APOLD1: variants seen among roughly 807,000 people sequenced by gnomAD.
APOLD1 encodes apolipoprotein L domain containing 1, also known as apolipoprotein L domain-containing protein 1.
APOLD1 carries 22 observed loss-of-function variants against 15.3 expected under a neutral mutation model. The ratio of observed to expected loss-of-function variants is 1.44; its 90% CI spans 1.03 to 2.05. The LOEUF is 2.05. APOLD1 is among the 30% of genes most tolerant of loss of function. The probability of loss-of-function intolerance (pLI) is 0.00; values close to 1 mark genes in which losing one functional copy is unlikely to be tolerated. For synonymous variants in APOLD1, 190 were observed against 167.4 expected (o/e 1.13, Z -1.04); for missense variants, 394 against 353.5 (o/e 1.11, Z -0.92).
chr12:12,727,789 A>C (rs1946604902), intron 1 of APOLD1, among the ~76,000 whole-genome samples: 1 of 146,280 alleles, frequency 6.8e-6, no homozygotes, highest in Non-Finnish European at 1.5e-5. Context: ...AACTTTGTAG[A>C]GAGTCTTGCT....
intron 1 of APOLD1, among the ~76,000 whole-genome samples, chr12:12,748,949 C>G (rs1946786154): frequency 1.3e-5 from 2 of 152,168 alleles, no homozygotes; most frequent in African/African-American, 4.8e-5. Flanking sequence ...TACTCTGAGA[C>G]AGGAGAAAGT....
At chr12:12,735,809 T>C (rs1279205477) in intron 1 of APOLD1, among the ~76,000 whole-genome samples, 4 of 148,752 alleles carry the variant, frequency 2.7e-5, no homozygotes, top group African/African-American at 1.0e-4. Context: ...AAGCCAGGCA[T>C]GGTGGTGAGC....
intron 1 of APOLD1, among the ~76,000 whole-genome samples, chr12:12,766,332 G>T (rs900045541): frequency 6.7e-6 from 1 of 149,000 alleles, no homozygotes. Context: ...ATGTAATATA[G>T]TACCAAGATA....
At chr12:12,769,913 T>C (rs937359766) in intron 1 of APOLD1, among the ~76,000 whole-genome samples, 1 of 152,128 alleles carries the variant, frequency 6.6e-6, no homozygotes, top group African/African-American at 2.4e-5. Context: ...ATTACTAAAG[T>C]CCTATTTACA....
In APOLD1 at chr12:12,761,830, T is replaced by TAGAGAGAGAGAGAGAGAGAGAGAG. The variant is rs6144616; in HGVS notation, c.97-25070_97-25047dup. Among the ~76,000 whole-genome samples, 46 of 114,640 alleles carry TAGAGAGAGAGAGAGAGAGAGAGAG rather than the reference T, an allele frequency of 4.0e-4. 2 individuals carry two copies. Among genetic ancestry groups the TAGAGAGAGAGAGAGAGAGAGAGAG allele is most frequent in the Non-Finnish European group, 5.1e-4 (30 of 58,542 alleles). 75.2% of individuals were successfully genotyped at this position (114,640 alleles called of 152,430 possible). Reference sequence around the variant, plus strand: ...GAACATATACATATATGTATATGTATAGAGAGAGAGAGAGAGAGAGAGAGA... The same window carrying TAGAGAGAGAGAGAGAGAGAGAGAG: ...GAACATATACATATATGTATATGTATAGAGAGAGAGAGAGAGAGAGAGAGAGAGAGAGAGAGAGAGAGAGAGAGA... On this transcript the variant is annotated intron_variant, in intron 1 of 1. Coordinates refer to the APOLD1 transcript ENST00000326765.
chr12:12,738,707 A>G (rs1354310885), intron 1 of APOLD1, among the ~76,000 whole-genome samples: 2 of 152,206 alleles, frequency 1.3e-5, no homozygotes, highest in African/African-American at 4.8e-5. Context: ...CTTATGAAGT[A>G]TGCTGGACTG....
intron 1 of APOLD1, among the ~76,000 whole-genome samples, chr12:12,774,857 T>G (rs1947019988): frequency 6.6e-6 from 1 of 152,172 alleles, no homozygotes; most frequent in Non-Finnish European, 1.5e-5. Flanking sequence ...GGTGGGAATT[T>G]GAAATGGTAT....
intron 1 of APOLD1, among the ~76,000 whole-genome samples, chr12:12,755,071 T>G (rs1946847019): frequency 6.6e-6 from 1 of 151,878 alleles, no homozygotes; most frequent in Non-Finnish European, 1.5e-5. Flanking sequence ...GAAGTTATTG[T>G]TATTAAAACA....
At chr12:12,780,042 G>C (rs1293714191) in intron 1 of APOLD1, among the ~76,000 whole-genome samples, 1 of 151,950 alleles carries the variant, frequency 6.6e-6, no homozygotes, top group Non-Finnish European at 1.5e-5. Flanking sequence ...AAGCTGTATA[G>C]TCCAAGAGAA....
intron 1 of APOLD1, among the ~76,000 whole-genome samples, chr12:12,750,030 G>A (rs1946797783): frequency 6.6e-6 from 1 of 152,070 alleles, no homozygotes; most frequent in Non-Finnish European, 1.5e-5. Flanking sequence ...ATCCCTGACT[G>A]TACCCCCACA....
Position 12,790,493 on chromosome 12 carries a change from C to T in APOLD1, c.*2841C>T, listed in dbSNP as rs1351918590. The T allele has an allele frequency of 1.3e-5, 2 of 152,164 alleles. No individual in the cohort carries two copies. The highest frequency in any genetic ancestry group is 4.8e-5 in the African/African-American group (2 of 41,430). The allele number at this position is 152,164 out of a possible 1,614,324, so 9.4% of individuals were successfully genotyped here. On this transcript the variant is annotated 3_prime_UTR_variant, in exon 2 of 2. Coordinates refer to ENST00000356591, the MANE Select transcript of APOLD1 (RefSeq NM_030817.3). Reference sequence around the variant, plus strand: ...ATATTCTTCCAATGCCTAAGCTATTCCCTAGAATTAAACTGGGCACTTTTG... The same window carrying T: ...ATATTCTTCCAATGCCTAAGCTATTTCCTAGAATTAAACTGGGCACTTTTG...
chr12:12,770,683 T>C (rs1211086219), intron 1 of APOLD1, among the ~76,000 whole-genome samples: 7 of 147,532 alleles, frequency 4.7e-5, no homozygotes, highest in Non-Finnish European at 1.0e-4. Context: ...ACAGAATAAA[T>C]ATTTGAAACA....
intron 1 of APOLD1, among the ~76,000 whole-genome samples, chr12:12,772,388 G>A (rs191591230): frequency 2.6e-5 from 4 of 152,256 alleles, no homozygotes; most frequent in African/African-American, 9.6e-5. Flanking sequence ...GGAAGAAAGA[G>A]GGACATTACA....
chr12:12,772,036 TAAC>T (rs1330400005), intron 1 of APOLD1, among the ~76,000 whole-genome samples: 2 of 151,982 alleles, frequency 1.3e-5, no homozygotes, highest in East Asian at 3.8e-4. Context: ...CGCTCAATTG[TAAC>T]AACAAAAGGC....
At chr12:12,774,584 G>GAAAT (rs1947016687) in intron 1 of APOLD1, among the ~76,000 whole-genome samples, 3 of 103,988 alleles carry the variant, frequency 2.9e-5, no homozygotes, top group African/African-American at 1.0e-4. Context: ...AGAAAGAAAA[G>GAAAT]AAAAGTAAAG....
At chr12:12,729,233 T>TA (rs543224216) in intron 1 of APOLD1, among the ~76,000 whole-genome samples, 62 of 145,826 alleles carry the variant, frequency 4.3e-4, no homozygotes, top group Non-Finnish European at 3.6e-4. Context: ...CTGTCGGCAT[T>TA]AAAAAAAAAA....
intron 1 of APOLD1, among the ~76,000 whole-genome samples, chr12:12,761,007 A>G (rs767357848): frequency 6.6e-6 from 1 of 152,210 alleles, no homozygotes; most frequent in African/African-American, 2.4e-5. Context: ...TGCTTTTGAG[A>G]TGTTAAACCT....
intron 1 of APOLD1, among the ~76,000 whole-genome samples, chr12:12,747,890 G>C (rs1037716140): frequency 6.6e-6 from 1 of 152,170 alleles, no homozygotes; most frequent in East Asian, 1.9e-4. Flanking sequence ...TATGTGTGCC[G>C]GACATGTTAA....
intron 1 of APOLD1, among the ~76,000 whole-genome samples, chr12:12,777,904 T>G (rs1947048791): frequency 2.1e-4 from 6 of 28,130 alleles, no homozygotes; most frequent in Non-Finnish European, 3.7e-4. Flanking sequence ...TTTTTTTTTT[T>G]TTTTTTTTTT....
Sources: gnomAD v4.1 joint callset for allele counts (sites outside exome capture counted in the v4.1 genomes callset) on GRCh38, gnomAD v4.1.1 for gene constraint, MANE v1.5 for transcripts, NCBI Gene and HGNC (gene_info 2026-07-23, HGNC 2026-07-21) for gene names.